The following CRB1 variants were observed in gnomAD, a reference collection of about 807,000 sequenced individuals.
CRB1 encodes crumbs cell polarity complex component 1, also known as protein crumbs homolog 1.
In CRB1, 83 loss-of-function variants were observed where a neutral mutation model predicts 120.0. That is an observed-to-expected ratio of 0.69 (90% CI 0.58 to 0.83). CRB1 has a LOEUF of 0.83. Among genes scored for constraint, CRB1 ranks in the 40% least tolerant of loss-of-function variants. CRB1 has a pLI of 0.00. For missense variants in CRB1, 1,699 were observed against 1,687.6 expected (o/e 1.01, Z -0.12); for synonymous variants, 625 against 612.5 (o/e 1.02, Z -0.30).
chr1:197,329,922 T>C (rs1658751152), intron 2 of CRB1, among the ~76,000 whole-genome samples: 1 of 152,328 alleles, frequency 6.6e-6, no homozygotes, highest in Admixed American at 6.5e-5. Context: ...TGTACCTTCC[T>C]GAAAGCCTTC....
intron 5 of CRB1, among the ~76,000 whole-genome samples, chr1:197,363,321 C>A (rs1033991763): frequency 2.0e-5 from 3 of 148,886 alleles, no homozygotes; most frequent in Non-Finnish European, 4.5e-5. Context: ...AAGAGTCTTT[C>A]TTTTTTTTTT....
At chr1:197,364,064 C>T in intron 5 of CRB1, 2 of 1,320,474 alleles carry the variant, frequency 1.5e-6, no homozygotes, top group Non-Finnish European at 1.1e-6. Context: ...CAGGCAGATC[C>T]GTGGCGGGGC....
the CRB1 span, among the ~76,000 whole-genome samples, chr1:197,215,956 A>G: frequency 6.6e-6 from 1 of 152,244 alleles, no homozygotes; most frequent in Non-Finnish European, 1.5e-5. Flanking sequence ...TCTTTGCAAT[A>G]GGAACATTTA....
rs1172122879 is a variant in CRB1 at position 197,268,263 on chromosome 1, T to C, written c.-150T>C. On this transcript the variant is annotated 5_prime_UTR_variant, in exon 1 of 12. Transcript: ENST00000367400. Reference sequence around the variant, plus strand: ...GCATTTTGAATCTAAGTCCCTGTATTTTCTGTGAAGGAGCTGTAAGTAGGG... The same window carrying C: ...GCATTTTGAATCTAAGTCCCTGTATCTTCTGTGAAGGAGCTGTAAGTAGGG... 1.4e-6 allele frequency: 1 copy of C among 711,506 alleles called. No individual in the cohort carries two copies. Among genetic ancestry groups the C allele is most frequent in the Non-Finnish European group, 2.6e-6 (1 of 384,882 alleles). The allele number at this position is 711,506 out of a possible 1,614,324, so 44.1% of individuals were successfully genotyped here. A position where few individuals can be genotyped will look rare whatever the true frequency, so the allele number is the denominator to read the frequency against.
At chr1:197,373,464 T>G (rs1661480903) in intron 5 of CRB1, among the ~76,000 whole-genome samples, 1 of 152,066 alleles carries the variant, frequency 6.6e-6, no homozygotes, top group Non-Finnish European at 1.5e-5. Context: ...GGGAAGAAAA[T>G]ACACTTCAGG....
At chr1:197,395,788 C>T (rs191274018) in intron 5 of CRB1, among the ~76,000 whole-genome samples, 29 of 152,162 alleles carry the variant, frequency 1.9e-4, no homozygotes, top group Non-Finnish European at 3.1e-4. Flanking sequence ...ATGCATTTAA[C>T]AAAACTCAAC....
chr1:197,474,752 T>G (rs1667126879), intron 11 of CRB1, among the ~76,000 whole-genome samples: 1 of 152,164 alleles, frequency 6.6e-6, no homozygotes, highest in Non-Finnish European at 1.5e-5. Context: ...CTCCCAACTC[T>G]CTCATCCAGG....
the CRB1 span, among the ~76,000 whole-genome samples, chr1:197,223,828 A>G: frequency 6.6e-6 from 1 of 152,174 alleles, no homozygotes; most frequent in Non-Finnish European, 1.5e-5. Context: ...AACCTTCTTC[A>G]AGTTTGGTGA....
chr1:197,276,108 T>TA (rs1655191983), intron 1 of CRB1, among the ~76,000 whole-genome samples: 1 of 151,916 alleles, frequency 6.6e-6, no homozygotes, highest in South Asian at 2.1e-4. Context: ...TCCTAGTTTT[T>TA]ATCTTCAGAA....
At chr1:197,375,590 T>A (rs1307472581) in intron 5 of CRB1, among the ~76,000 whole-genome samples, 1 of 152,148 alleles carries the variant, frequency 6.6e-6, no homozygotes, top group African/African-American at 2.4e-5. Flanking sequence ...CACCTACCTA[T>A]CTATCTGTCA....
the CRB1 span, among the ~76,000 whole-genome samples, chr1:197,227,933 A>G: frequency 1.3e-5 from 2 of 152,258 alleles, no homozygotes; most frequent in African/African-American, 2.4e-5. Flanking sequence ...GCTCAATACC[A>G]TGTGGAAGCT....
At chr1:197,277,558 T>G (rs1481454979) in intron 1 of CRB1, among the ~76,000 whole-genome samples, 1 of 152,018 alleles carries the variant, frequency 6.6e-6, no homozygotes, top group Non-Finnish European at 1.5e-5. Flanking sequence ...AGCAACACCA[T>G]TGAAATAATC....
the CRB1 span, among the ~76,000 whole-genome samples, chr1:197,235,193 T>C: frequency 6.6e-6 from 1 of 152,146 alleles, no homozygotes; most frequent in Non-Finnish European, 1.5e-5. Flanking sequence ...GGGGAACTTA[T>C]GTTTACTGTC....
rs1313619193 is a variant in CRB1 at position 197,354,861 on chromosome 1, CCCA to C, written c.989-1967_989-1965del. 6.7e-3 allele frequency among the ~76,000 whole-genome samples: 49 copies of C among 7,262 alleles called. 1 individual carries two copies. The highest frequency in any genetic ancestry group is 0.026 in the African/African-American group (41 of 1,590). 4.8% of individuals were successfully genotyped at this position (7,262 alleles called of 152,430 possible). On this transcript the variant is annotated intron_variant, in intron 4 of 11. Transcript: ENST00000367400. ...CCGCCCACCCCCCCCCCCCCGCCCA[CCCA>C]CCCACATCCTGCTGATTGGTCCATT...
chr1:197,322,354 T>A (rs931034236), intron 1 of CRB1, among the ~76,000 whole-genome samples: 1 of 151,724 alleles, frequency 6.6e-6, no homozygotes, highest in Non-Finnish European at 1.5e-5. Flanking sequence ...TCCCAGCTAC[T>A]CAGGAGGCTG....
At chr1:197,315,213 A>G (rs1657769553) in intron 1 of CRB1, among the ~76,000 whole-genome samples, 1 of 152,204 alleles carries the variant, frequency 6.6e-6, no homozygotes, top group South Asian at 2.1e-4. Context: ...AGTTGTTTAC[A>G]TCAGGAGGGC....
At chr1:197,366,856 G>C (rs1661104566) in intron 5 of CRB1, among the ~76,000 whole-genome samples, 2 of 152,108 alleles carry the variant, frequency 1.3e-5, no homozygotes, top group Non-Finnish European at 2.9e-5. Flanking sequence ...TTAATGACTA[G>C]AATTGAACCA....
intron 11 of CRB1, among the ~76,000 whole-genome samples, chr1:197,452,742 C>T (rs1666032257): frequency 1.3e-5 from 2 of 152,082 alleles, no homozygotes; most frequent in South Asian, 4.2e-4. Flanking sequence ...AGTAACAAAC[C>T]CTGTAAGTTG....
At chr1:197,378,393 A>T (rs1284914958) in intron 5 of CRB1, among the ~76,000 whole-genome samples, 2 of 152,198 alleles carry the variant, frequency 1.3e-5, no homozygotes, top group Non-Finnish European at 2.9e-5. Flanking sequence ...TTACAGCTAC[A>T]GATTAATCTT....
Sources: gnomAD v4.1 joint callset for allele counts (sites outside exome capture counted in the v4.1 genomes callset) on GRCh38, gnomAD v4.1.1 for gene constraint, MANE v1.5 for transcripts, NCBI Gene and HGNC (gene_info 2026-07-23, HGNC 2026-07-21) for gene names.